The following RSAD2 variants were observed in gnomAD, a reference collection of about 807,000 sequenced individuals.
RSAD2 encodes the protein radical S-adenosyl methionine domain containing 2.
Under a neutral mutation model 37.7 loss-of-function variants are expected in RSAD2, and 38 were observed. That is an observed-to-expected ratio of 1.01 (90% CI 0.78 to 1.32). The LOEUF is 1.32. RSAD2 is among the 40% of genes most tolerant of loss of function. RSAD2 has a pLI of 0.00. For missense variants in RSAD2, 428 were observed against 437.5 expected, an observed-to-expected ratio of 0.98 and a Z score of 0.19; for synonymous variants, 163 against 157.4, an observed-to-expected ratio of 1.04 and a Z score of -0.27.
At position 6,891,660 on chromosome 2, in the gene RSAD2, G is replaced by T. The variant is rs200249785; in HGVS notation, c.888+1335G>T. The stretch of plus-strand genomic sequence containing the variant: ...CGGGCGCCTGTAGTCCCAGCTACTC[G>T]AGAGGCTGAGGCAGGAGAATGGTGT... On this transcript the variant is annotated intron_variant, in intron 4 of 5. Coordinates refer to ENST00000382040, the MANE Select transcript of RSAD2 (RefSeq NM_080657.5). Among the ~76,000 whole-genome samples the T allele has an allele frequency of 4.6e-5, 7 of 152,230 alleles. No homozygotes were observed. In the East Asian group the frequency reaches 1.4e-3, roughly 29 times the overall value.
At chr2:6,888,199 A>C (rs1276417026) in intron 3 of RSAD2, among the ~76,000 whole-genome samples, 2 of 152,180 alleles carry the variant, frequency 1.3e-5, no homozygotes, top group African/African-American at 2.4e-5. Flanking sequence ...AAATAGAGTT[A>C]GGGAAGAGGG....
At position 6,877,944 on chromosome 2, in the gene RSAD2, G is replaced by A; in HGVS notation, c.144G>A (p.Lys48=). 6.2e-7 allele frequency: 1 copy of A among 1,614,144 alleles called. No homozygotes were observed. Among genetic ancestry groups the A allele is most frequent in the Non-Finnish European group, 8.5e-7 (1 of 1,180,026 alleles). Residue 48 remains lysine, a synonymous_variant, in exon 1 of 6, where the codon AAG becomes AAA. Coordinates refer to ENST00000382040, the MANE Select transcript of RSAD2 (RefSeq NM_080657.5). ...TFWLLATKRR[K]QQLVLRGPDE... is the part of the protein sequence containing the mutation. ...GGCTGCTAGCTACCAAGAGGAGAAA[G>A]CAGCAGCTGGTCCTGAGAGGGCCAG...
intron 1 of RSAD2, among the ~76,000 whole-genome samples, chr2:6,880,731 G>A (rs1476730709): frequency 1.3e-5 from 2 of 152,124 alleles, no homozygotes; most frequent in Non-Finnish European, 1.5e-5. Context: ...GGAACTTAAA[G>A]TGGTGGTGTT....
rs948352869 is a variant in RSAD2 at position 6,897,189 on chromosome 2, T to G, written c.*1247T>G. The G allele has an allele frequency of 6.6e-6, 1 of 152,214 alleles. No homozygotes were observed. Among genetic ancestry groups the G allele is most frequent in the African/African-American group, 2.4e-5 (1 of 41,454 alleles). 9.4% of individuals were successfully genotyped at this position (152,214 alleles called of 1,614,324 possible). ...ATCAGGGAACAAAATCCTCTCCTTG[T>G]GGAAATATCCCATGCAGTTTGTTGA... On this transcript the variant is annotated 3_prime_UTR_variant, in exon 6 of 6. Coordinates refer to ENST00000382040, the MANE Select transcript of RSAD2 (RefSeq NM_080657.5).
chr2:6,881,084 C>G (rs1030474648), intron 1 of RSAD2, among the ~76,000 whole-genome samples: 1 of 152,144 alleles, frequency 6.6e-6, no homozygotes, highest in African/African-American at 2.4e-5. Context: ...ATTCTTCCAT[C>G]CCTTCTAAAT....
intron 4 of RSAD2, among the ~76,000 whole-genome samples, chr2:6,892,997 A>G (rs1340212349): frequency 6.6e-6 from 1 of 152,246 alleles, no homozygotes; most frequent in Non-Finnish European, 1.5e-5. Flanking sequence ...TTTCTTATGT[A>G]TCATCTGTGG....
In RSAD2 at chr2:6,883,376, G is replaced by A. The variant is rs201282882; in HGVS notation, c.352G>A (p.Glu118Lys). Residue 118 changes from glutamate (E) to lysine (K), a missense_variant, in exon 2 of 6, where the codon GAG becomes AAG. Glu to Lys is a moderately conservative substitution (Grantham distance 56, BLOSUM62 1). Coordinates refer to ENST00000382040, the MANE Select transcript of RSAD2 (RefSeq NM_080657.5). ...TCATGTATCACCTTGCACAGGTATG[G>A]AGAAGATCAACTTTTCAGGTGGAGA... is the stretch of plus-strand genomic sequence containing the variant. Reference protein sequence around the residue: ...GLLLLKEAGMEKINFSGGEPF... With the variant: ...GLLLLKEAGMKKINFSGGEPF... The A allele has an allele frequency of 6.2e-7, 1 of 1,614,168 alleles. No homozygotes were observed. Among genetic ancestry groups the A allele is most frequent in the Admixed American group, 1.7e-5 (1 of 60,026 alleles).
In RSAD2 at chr2:6,878,158, G is replaced by A. The variant is rs1176608477; in HGVS notation, c.346+12G>A. On this transcript the variant is annotated intron_variant, in intron 1 of 5. Transcript: ENST00000382040. Reference sequence around the variant, plus strand: ...GCTTAAGGAAGCTGGTGAGTACATGGTCCTAGACAGAAATCAGGATTCTCA... The same window carrying A: ...GCTTAAGGAAGCTGGTGAGTACATGATCCTAGACAGAAATCAGGATTCTCA... 5 of 1,600,076 alleles carry A rather than the reference G, an allele frequency of 3.1e-6. No individual in the cohort carries two copies. The highest frequency in any genetic ancestry group is 2.7e-5 in the African/African-American group (2 of 74,546).
chr2:6,892,480 T>G (rs561790714), intron 4 of RSAD2, among the ~76,000 whole-genome samples: 51 of 152,330 alleles, frequency 3.3e-4, no homozygotes, highest in African/African-American at 1.2e-3. Flanking sequence ...TTTGACTCAT[T>G]GCCATTTTCA....
intron 3 of RSAD2, among the ~76,000 whole-genome samples, chr2:6,889,785 T>C (rs991859893): frequency 6.6e-6 from 1 of 152,244 alleles, no homozygotes; most frequent in Non-Finnish European, 1.5e-5. Flanking sequence ...TTCATAAGAA[T>C]ATATTAAAAA....
Position 6,886,921 on chromosome 2 carries a change from T to C in RSAD2, c.509-14T>C. ...CTTGGATAGAAAAGTTTAAACATGATCATTTTCCCTCAGGTGAGTATTTGG... is the reference window on the plus strand; with the variant it reads ...CTTGGATAGAAAAGTTTAAACATGACCATTTTCCCTCAGGTGAGTATTTGG... On this transcript the variant is annotated splice_polypyrimidine_tract_variant and intron_variant, in intron 2 of 5. Transcript: ENST00000382040. 3.1e-6 allele frequency: 5 copies of C among 1,603,756 alleles called. No homozygotes were observed. Among genetic ancestry groups the C allele is most frequent in the Middle Eastern group, 3.3e-4 (2 of 6,040 alleles).
Position 6,891,490 on chromosome 2 carries a change from G to C in RSAD2, c.888+1165G>C, listed in dbSNP as rs537352769. 5.4e-3 allele frequency among the ~76,000 whole-genome samples: 826 copies of C among 152,278 alleles called. 3 individuals are homozygous for C. Among genetic ancestry groups the C allele is most frequent in the Non-Finnish European group, 8.5e-3 (577 of 68,012 alleles). On this transcript the variant is annotated intron_variant, in intron 4 of 5. Transcript: ENST00000382040. ...TGCAGTATTAAGAATAATACCGGCC[G>C]GGCGCGGTGGCTCACGCCTGTAATC...
At chr2:6,894,757 TATTTTCAAGTTAACCA>T (rs1663704288) in intron 5 of RSAD2, among the ~76,000 whole-genome samples, 1 of 152,246 alleles carries the variant, frequency 6.6e-6, no homozygotes, top group African/African-American at 2.4e-5. Flanking sequence ...GGTATTTTGT[TATTTTCAAGTTAACCA>T]ATCATTGTTT....
At chr2:6,891,877 G>A (rs1663638991) in intron 4 of RSAD2, among the ~76,000 whole-genome samples, 1 of 152,152 alleles carries the variant, frequency 6.6e-6, no homozygotes, top group Non-Finnish European at 1.5e-5. Flanking sequence ...ATGTTACACT[G>A]ACTAACAAGC....
rs1388056500 is a variant in RSAD2 at position 6,868,346 on chromosome 2, A to T, written c.142+2301A>T. On this transcript the variant is annotated intron_variant, in intron 1 of 5. Transcript: ENST00000442639. ...CTAGGTAGTTTAATTCAATTGGAAA[A>T]AGAAAGAAAATGCAAATCAGAATAG... 2.6e-5 allele frequency among the ~76,000 whole-genome samples: 4 copies of T among 152,202 alleles called. No homozygotes were observed. The East Asian group carries it at 7.7e-4, about 29-fold the overall frequency.
At position 6,883,536 on chromosome 2, in the gene RSAD2, T is replaced by C. The variant is rs753598466; in HGVS notation, c.508+4T>C. 1 of 1,614,068 alleles carries C rather than the reference T, an allele frequency of 6.2e-7. No individual in the cohort carries two copies. The highest frequency in any genetic ancestry group is 1.7e-5 in the Admixed American group (1 of 60,004). ...GAGAGGTGGTTCCAGAATTATGGTGTGCTCCATGGGATGGCATTCTTCTTA... is the reference window on the plus strand; with the variant it reads ...GAGAGGTGGTTCCAGAATTATGGTGCGCTCCATGGGATGGCATTCTTCTTA... On this transcript the variant is annotated splice_donor_region_variant and intron_variant, in intron 2 of 5. Transcript: ENST00000382040.
upstream of RSAD2, among the ~76,000 whole-genome samples, chr2:6,874,922 T>C: frequency 6.6e-6 from 1 of 152,208 alleles, no homozygotes; most frequent in East Asian, 1.9e-4. Flanking sequence ...ATTACTAGGC[T>C]TTGATTGAAA....
chr2:6,887,988 C>CA (rs1188109468), intron 3 of RSAD2, among the ~76,000 whole-genome samples: 1 of 152,160 alleles, frequency 6.6e-6, no homozygotes, highest in African/African-American at 2.4e-5. Context: ...CGTGAAATGG[C>CA]AAAACAGGCT....
At chr2:6,878,651 T>C (rs1329885934) in intron 1 of RSAD2, 2 of 186,520 alleles carry the variant, frequency 1.1e-5, no homozygotes, top group African/African-American at 4.7e-5. Context: ...ACCTTAAAAT[T>C]TTTTTAACAA....
Sources: gnomAD v4.1 joint callset for allele counts (sites outside exome capture counted in the v4.1 genomes callset) on GRCh38, gnomAD v4.1.1 for gene constraint, MANE v1.5 for transcripts, NCBI Gene and HGNC (gene_info 2026-07-23, HGNC 2026-07-21) for gene names.